CAST: variants seen among roughly 807,000 people sequenced by gnomAD.
CAST encodes MIR583 host.
CAST carries 76 observed loss-of-function variants against 119.6 expected under a neutral mutation model. That is an observed-to-expected ratio of 0.64 (90% confidence interval 0.53 to 0.77). The LOEUF (loss-of-function observed/expected upper bound fraction) is 0.77. Among genes scored for constraint, CAST ranks in the 30% least tolerant of loss-of-function variants. The pLI is 0.00. For missense variants in CAST, 953 were observed against 946.5 expected (o/e 1.01, Z -0.09); for synonymous variants, 319 against 331.6 (o/e 0.96, Z 0.41).
the CAST span, among the ~76,000 whole-genome samples, chr5:96,045,508 A>G: frequency 6.6e-6 from 1 of 152,210 alleles, no homozygotes; most frequent in East Asian, 1.9e-4. Context: ...ATAAATATTC[A>G]GTGCTATTGC....
At chr5:96,289,419 A>G in the CAST span, among the ~76,000 whole-genome samples, 3 of 152,092 alleles carry the variant, frequency 2.0e-5, no homozygotes, top group Non-Finnish European at 2.9e-5. Context: ...CTGGCAAGAG[A>G]TAATTGAATC....
the CAST span, among the ~76,000 whole-genome samples, chr5:96,449,444 A>T: frequency 6.6e-6 from 1 of 152,124 alleles, no homozygotes; most frequent in Non-Finnish European, 1.5e-5. Flanking sequence ...GAAAAATTTC[A>T]TTCTGAAACC....
At chr5:96,295,802 G>A in the CAST span, among the ~76,000 whole-genome samples, 1 of 152,092 alleles carries the variant, frequency 6.6e-6, no homozygotes, top group African/African-American at 2.4e-5. Context: ...TCAAAATATT[G>A]AAAGTGGAAA....
chr5:96,549,986 G>A (rs1463228157), intron 1 of CAST, among the ~76,000 whole-genome samples: 2 of 152,216 alleles, frequency 1.3e-5, no homozygotes, highest in Non-Finnish European at 2.9e-5. Flanking sequence ...GGGCATATAT[G>A]AACAAAAGGC....
At chr5:96,738,301 G>A (rs959868650) in intron 11 of CAST, among the ~76,000 whole-genome samples, 4 of 152,056 alleles carry the variant, frequency 2.6e-5, no homozygotes, top group Admixed American at 6.5e-5. Flanking sequence ...CAGTTTGGGC[G>A]ACAGAGCGAG....
the CAST span, among the ~76,000 whole-genome samples, chr5:96,256,634 T>C: frequency 6.6e-6 from 1 of 151,868 alleles, no homozygotes; most frequent in African/African-American, 2.4e-5. Context: ...TACCTAAACA[T>C]ATCTAAACAT....
chr5:96,435,221 T>C, the CAST span, among the ~76,000 whole-genome samples: 1 of 152,198 alleles, frequency 6.6e-6, no homozygotes, highest in Non-Finnish European at 1.5e-5. Flanking sequence ...GTAAATCAGT[T>C]TGGCAGAGTG....
the CAST span, among the ~76,000 whole-genome samples, chr5:96,113,880 T>C: frequency 3.3e-5 from 5 of 152,170 alleles, no homozygotes; most frequent in Non-Finnish European, 7.3e-5. Context: ...AAAGAGTGTG[T>C]TGAAGAAAAT....
chr5:96,551,206 A>C (rs551927829), intron 1 of CAST, among the ~76,000 whole-genome samples: 38 of 152,382 alleles, frequency 2.5e-4, no homozygotes, highest in South Asian at 1.0e-3. Flanking sequence ...CCATCAGACT[A>C]ACAGCAGATC....
intron 16 of CAST, among the ~76,000 whole-genome samples, chr5:96,744,183 G>A (rs1763266863): frequency 6.6e-6 from 1 of 152,142 alleles, no homozygotes; most frequent in Admixed American, 6.5e-5. Flanking sequence ...TAAAATTCCA[G>A]CAAAAAGAAC....
intron 24 of CAST, among the ~76,000 whole-genome samples, chr5:96,760,426 G>A (rs31280): frequency 0.046 from 6,937 of 151,924 alleles, 194 homozygotes; most frequent in South Asian, 0.092. Flanking sequence ...ATCTGTTAAA[G>A]AGTCTTTAGT....
At chr5:96,720,476 A>G (rs1758032766) in intron 3 of CAST, among the ~76,000 whole-genome samples, 2 of 152,230 alleles carry the variant, frequency 1.3e-5, no homozygotes, top group Non-Finnish European at 1.5e-5. Context: ...ATGGATTAAT[A>G]ATGGGGTGGG....
chr5:96,657,489 G>A (rs1215032570), upstream of CAST, among the ~76,000 whole-genome samples: 2 of 152,082 alleles, frequency 1.3e-5, no homozygotes, highest in Non-Finnish European at 2.9e-5. Flanking sequence ...ATATAGAAAG[G>A]AAAAGATAAT....
chr5:96,068,407 ACC>A, the CAST span, among the ~76,000 whole-genome samples: 2 of 151,942 alleles, frequency 1.3e-5, no homozygotes, highest in African/African-American at 4.8e-5. Context: ...CTAGAACTTT[ACC>A]CTGACTCCTG....
chr5:96,387,549 C>G, the CAST span, among the ~76,000 whole-genome samples: 1 of 151,968 alleles, frequency 6.6e-6, no homozygotes, highest in South Asian at 2.1e-4. Flanking sequence ...ACAAATCTCT[C>G]TTAACATTTT....
chr5:96,254,889 A>G, the CAST span, among the ~76,000 whole-genome samples: 1 of 152,126 alleles, frequency 6.6e-6, no homozygotes, highest in Non-Finnish European at 1.5e-5. Context: ...GGAATTTTAT[A>G]TTGCTAAAAG....
At chr5:96,291,770 C>T in the CAST span, among the ~76,000 whole-genome samples, 1 of 150,892 alleles carries the variant, frequency 6.6e-6, no homozygotes, top group East Asian at 2.0e-4. Flanking sequence ...AGTCATAGAC[C>T]CATAGGATCC....
chr5:96,055,318 A>G, the CAST span, among the ~76,000 whole-genome samples: 1 of 152,166 alleles, frequency 6.6e-6, no homozygotes, highest in East Asian at 1.9e-4. Flanking sequence ...AATTAAGATG[A>G]CATTATCTTT....
At chr5:96,440,644 C>T in the CAST span, among the ~76,000 whole-genome samples, 3 of 152,068 alleles carry the variant, frequency 2.0e-5, no homozygotes, top group African/African-American at 7.2e-5. Context: ...TTCTGACTCT[C>T]CAGTCAGAAT....
Sources: gnomAD v4.1 joint callset for allele counts (sites outside exome capture counted in the v4.1 genomes callset) on GRCh38, gnomAD v4.1.1 for gene constraint, MANE v1.5 for transcripts, NCBI Gene and HGNC (gene_info 2026-07-23, HGNC 2026-07-21) for gene names.